The following GOLIM4 variants were observed in gnomAD, a reference collection of about 807,000 sequenced individuals.
The protein encoded by GOLIM4 is golgi integral membrane protein 4.
A neutral mutation model predicts 107.4 loss-of-function variants in GOLIM4; 71 were observed. That is an observed-to-expected ratio of 0.66 (90% CI 0.55 to 0.81). The LOEUF (loss-of-function observed/expected upper bound fraction) is 0.81, where lower values mean the gene tolerates loss of function less well. Among genes scored for constraint, GOLIM4 ranks in the 30% least tolerant of loss-of-function variants. The pLI, the probability that GOLIM4 is intolerant of heterozygous loss-of-function variation, is 0.00. For synonymous variants in GOLIM4, 327 were observed against 294.8 expected (o/e 1.11, Z -1.12); for missense variants, 830 against 826.1 (o/e 1.00, Z -0.06).
intron 1 of GOLIM4, among the ~76,000 whole-genome samples, chr3:168,091,362 T>A (rs1721900036): frequency 6.6e-6 from 1 of 152,192 alleles, no homozygotes; most frequent in African/African-American, 2.4e-5. Context: ...AATAGTTATA[T>A]CTCTCTCCCA....
At chr3:168,080,316 C>A (rs547355321) in intron 1 of GOLIM4, among the ~76,000 whole-genome samples, 1 of 152,210 alleles carries the variant, frequency 6.6e-6, no homozygotes, top group African/African-American at 2.4e-5. Context: ...AGTAATTGTG[C>A]ACTGTAATAT....
At chr3:168,044,754 T>G in intron 4 of GOLIM4, 74 bp downstream of exon 4, 1 of 823,224 alleles carries the variant, frequency 1.2e-6, no homozygotes, top group Admixed American at 2.9e-5. Flanking sequence ...TTAATCACTT[T>G]AAAGGCCATT....
In GOLIM4 at chr3:168,058,948, A is replaced by G. The variant is rs62273312; in HGVS notation, c.188-10583T>C. On this transcript the variant is annotated intron_variant, in intron 1 of 15. Transcript: ENST00000470487. ...CAGCTGGACAGCATCATAGTATTTC[A>G]GAAAATTATGCACAAGAGAAAAAGA... Among the ~76,000 whole-genome samples, 184 of 152,304 alleles carry G rather than the reference A, an allele frequency of 1.2e-3. 1 individual carries two copies. The highest frequency in any genetic ancestry group is 2.4e-3 in the Non-Finnish European group (166 of 68,016).
At chr3:168,085,203 C>T (rs993199561) in intron 1 of GOLIM4, among the ~76,000 whole-genome samples, 14 of 152,148 alleles carry the variant, frequency 9.2e-5, no homozygotes, top group Non-Finnish European at 5.9e-5. Flanking sequence ...AAGATCAATT[C>T]CAGGACACTA....
chr3:168,040,976 T>C, intron 6 of GOLIM4, 107 bp from the exon 7 acceptor site: 1 of 716,606 alleles, frequency 1.4e-6, no homozygotes, highest in Non-Finnish European at 2.5e-6. Context: ...GTTTATTTGT[T>C]GTTGTAGCAG....
chr3:168,036,523 C>T (rs985273955), intron 8 of GOLIM4, among the ~76,000 whole-genome samples: 10 of 152,000 alleles, frequency 6.6e-5, no homozygotes, highest in South Asian at 2.1e-4. Context: ...GCCTGGACGA[C>T]GTAGCATGAC....
At chr3:168,073,337 G>T (rs1219118598) in intron 1 of GOLIM4, among the ~76,000 whole-genome samples, 1 of 152,150 alleles carries the variant, frequency 6.6e-6, no homozygotes, top group Non-Finnish European at 1.5e-5. Flanking sequence ...GTAAATATGA[G>T]TTAAAGTAAT....
At chr3:168,044,776 G>T in intron 4 of GOLIM4, 52 bp downstream of exon 4, 1 of 992,046 alleles carries the variant, frequency 1.0e-6, no homozygotes, top group Non-Finnish European at 1.5e-6. Flanking sequence ...GTCAGTTCAA[G>T]TATTAGTTAA....
chr3:168,031,004 T>C (rs1412114899), intron 9 of GOLIM4, among the ~76,000 whole-genome samples: 1 of 152,178 alleles, frequency 6.6e-6, no homozygotes, highest in African/African-American at 2.4e-5. Flanking sequence ...ATGTGGTACA[T>C]ATACACAGTC....
chr3:168,014,577 A>C (rs2108208257), intron 14 of GOLIM4, among the ~76,000 whole-genome samples: 1 of 130,462 alleles, frequency 7.7e-6, no homozygotes, highest in South Asian at 2.1e-4. Flanking sequence ...CCAGGCAGAG[A>C]CACAACAAAA....
At chr3:168,056,678 T>C (rs1719990286) in intron 1 of GOLIM4, among the ~76,000 whole-genome samples, 1 of 152,222 alleles carries the variant, frequency 6.6e-6, no homozygotes, top group Non-Finnish European at 1.5e-5. Context: ...GCTTTAAGGT[T>C]TGACTGTCCT....
rs150004794 is a variant in GOLIM4, at chr3:168,068,899, C to T, written c.188-20534G>A. ...TTGCCCAGGCTGAAGCTCAATGGCA[C>T]GATCTCGGCTCACCGCAACCTCTAC... On this transcript the variant is annotated intron_variant, in intron 1 of 15. Transcript: ENST00000470487. Among the ~76,000 whole-genome samples the T allele has an allele frequency of 5.7e-4, 87 of 151,414 alleles. 1 individual carries two copies. The highest frequency in any genetic ancestry group is 1.6e-3 in the African/African-American group (65 of 41,298).
chr3:168,040,660 G>A, intron 7 of GOLIM4, 126 bp downstream of exon 7: 1 of 574,510 alleles, frequency 1.7e-6, no homozygotes. Flanking sequence ...TGATCCTCAG[G>A]ATTAGGATAG....
chr3:168,010,327 T>TCTTC lies in GOLIM4; in HGVS notation c.2029_2032dup (p.Glu678GlyfsTer12). Reference sequence around the variant, plus strand: ...AACTGCAGCCCCGTCTTCTTCCTCCTCTTCTTCCTCCTCGTAGTGTTCCTC... The same window carrying TCTTC: ...AACTGCAGCCCCGTCTTCTTCCTCCTCTTCCTTCTTCCTCCTCGTAGTGTTCCTC... On this transcript the variant is annotated frameshift_variant, in exon 16 of 16. Transcript: ENST00000470487. LOFTEE classifies it high-confidence loss of function. 6.2e-7 allele frequency: 1 copy of TCTTC among 1,613,976 alleles called. No homozygotes were observed. The highest frequency in any genetic ancestry group is 8.5e-7 in the Non-Finnish European group (1 of 1,179,890).
intron 14 of GOLIM4, among the ~76,000 whole-genome samples, chr3:168,020,134 C>T (rs1335589833): frequency 6.6e-6 from 1 of 152,130 alleles, no homozygotes; most frequent in Non-Finnish European, 1.5e-5. Context: ...GCTATGCAAC[C>T]TTCCAATTTT....
At chr3:168,066,430 T>C (rs1187574073) in intron 1 of GOLIM4, among the ~76,000 whole-genome samples, 2 of 152,146 alleles carry the variant, frequency 1.3e-5, no homozygotes, top group East Asian at 1.9e-4. Context: ...ATTAGAATAG[T>C]AGACATTTTA....
intron 14 of GOLIM4, among the ~76,000 whole-genome samples, chr3:168,011,422 A>G (rs1242573431): frequency 1.3e-5 from 2 of 152,138 alleles, no homozygotes; most frequent in East Asian, 3.9e-4. Flanking sequence ...GATTGCCAGC[A>G]CAGCAGTCTG....
intron 14 of GOLIM4, among the ~76,000 whole-genome samples, chr3:168,011,868 G>C (rs1228104863): frequency 1.5e-5 from 2 of 137,368 alleles, no homozygotes; most frequent in Non-Finnish European, 3.0e-5. Flanking sequence ...AAACAGAAAG[G>C]ACATCCACAC....
intron 2 of GOLIM4, 93 bp downstream of exon 2, chr3:168,048,198 G>T (rs754217062): frequency 2.9e-6 from 2 of 699,860 alleles, no homozygotes; most frequent in Non-Finnish European, 5.1e-6. Context: ...ATTTGAGAAC[G>T]ATCTTAGCCA....
Sources: allele counts gnomAD v4.1 joint callset (sites outside exome capture counted in the v4.1 genomes callset), GRCh38; gene constraint gnomAD v4.1.1; transcripts MANE v1.5; gene names NCBI Gene and HGNC (gene_info 2026-07-23, HGNC 2026-07-21).